SDK1: variants seen among roughly 807,000 people sequenced by gnomAD.
SDK1 encodes sidekick cell adhesion molecule 1.
SDK1 carries 157 observed loss-of-function variants against 245.5 expected under a neutral mutation model. That is an observed-to-expected ratio of 0.64 (90% CI 0.56 to 0.73). SDK1 has a LOEUF of 0.73. Among genes scored for constraint, SDK1 ranks in the 30% least tolerant of loss-of-function variants. The probability of loss-of-function intolerance (pLI) is 0.00; values close to 1 mark genes in which losing one functional copy is unlikely to be tolerated. For missense variants in SDK1, 3,583 were observed against 3,002.3 expected (o/e 1.19, Z -4.52); for synonymous variants, 1,647 against 1,278.5 (o/e 1.29, Z -6.15).
intron 7 of SDK1, among the ~76,000 whole-genome samples, chr7:3,953,701 A>C (rs1301436068): frequency 6.6e-6 from 1 of 152,222 alleles, no homozygotes; most frequent in Non-Finnish European, 1.5e-5. Context: ...AAAATATTTA[A>C]ATCTATCTTA....
At chr7:4,056,995 G>A (rs778930132) in intron 19 of SDK1, among the ~76,000 whole-genome samples, 23 of 152,176 alleles carry the variant, frequency 1.5e-4, no homozygotes, top group Admixed American at 3.3e-4. Flanking sequence ...ACCATTGGCA[G>A]TGACCCCCAG....
At position 3,374,961 on chromosome 7, in the gene SDK1, G is replaced by A. The variant is rs369161099; in HGVS notation, c.298+73077G>A. On this transcript the variant is annotated intron_variant, in intron 1 of 44. Coordinates refer to ENST00000404826, the MANE Select transcript of SDK1 (RefSeq NM_152744.4). The stretch of plus-strand genomic sequence containing the variant: ...GACTGTGTCTCTTTAGTTCACTATC[G>A]TATATCTAACACCTGTAATTGTATG... Among the ~76,000 whole-genome samples, 178 of 152,176 alleles carry A rather than the reference G, an allele frequency of 1.2e-3. 3 individuals are homozygous for A. The South Asian group carries it at 0.035, about 30-fold the overall frequency.
chr7:4,065,699 T>TG (rs1779847104), intron 19 of SDK1, among the ~76,000 whole-genome samples: 1 of 71,284 alleles, frequency 1.4e-5, no homozygotes, highest in Non-Finnish European at 2.4e-5. Context: ...TTGTTGTTTT[T>TG]TTTTTTTTTT....
rs1051924096 is a variant in SDK1 at position 4,266,814 on chromosome 7, C to T, written c.*1430C>T. ...TGTGCCCCGGGTCCCTGTAAGTGCC[C>T]CCTCACCAGCAGCAGCGTGACACAC... On this transcript the variant is annotated 3_prime_UTR_variant, in exon 45 of 45. Coordinates refer to ENST00000404826, the MANE Select transcript of SDK1 (RefSeq NM_152744.4). 23 of 985,366 alleles carry T rather than the reference C, an allele frequency of 2.3e-5. No individual in the cohort carries two copies. The highest frequency in any genetic ancestry group is 2.7e-5 in the Non-Finnish European group (22 of 830,028). 61.0% of individuals were successfully genotyped at this position (985,366 alleles called of 1,614,324 possible).
chr7:3,368,097 G>A (rs1781135680), intron 1 of SDK1, among the ~76,000 whole-genome samples: 1 of 152,158 alleles, frequency 6.6e-6, no homozygotes, highest in African/African-American at 2.4e-5. Flanking sequence ...TCATATTTTT[G>A]TAAGTATATT....
At chr7:3,937,593 A>G (rs1271006811) in intron 5 of SDK1, among the ~76,000 whole-genome samples, 1 of 152,190 alleles carries the variant, frequency 6.6e-6, no homozygotes. Flanking sequence ...GGATCTAAGA[A>G]TCTTAGCCAC....
At chr7:3,414,616 T>G (rs1011111501) in intron 1 of SDK1, among the ~76,000 whole-genome samples, 1 of 152,184 alleles carries the variant, frequency 6.6e-6, no homozygotes, top group East Asian at 1.9e-4. Flanking sequence ...ACTATAAAAT[T>G]TATTTAAAAT....
intron 34 of SDK1, among the ~76,000 whole-genome samples, chr7:4,176,570 T>C (rs192970415): frequency 1.3e-5 from 2 of 152,352 alleles, no homozygotes; most frequent in Admixed American, 6.5e-5. Flanking sequence ...CACACTGTTA[T>C]GCAGCCGTCA....
At chr7:4,186,936 G>T (rs542584229) in intron 35 of SDK1, among the ~76,000 whole-genome samples, 1 of 152,174 alleles carries the variant, frequency 6.6e-6, no homozygotes, top group South Asian at 2.1e-4. Flanking sequence ...ACCTGGGATT[G>T]CCACCCCTGG....
chr7:3,576,690 T>C (rs1184949694), intron 1 of SDK1, among the ~76,000 whole-genome samples: 1 of 152,082 alleles, frequency 6.6e-6, no homozygotes, highest in African/African-American at 2.4e-5. Flanking sequence ...GCATGGTGTG[T>C]ATGTGGCTGC....
chr7:3,635,195 T>C (rs1424027180), intron 2 of SDK1, among the ~76,000 whole-genome samples: 1 of 152,214 alleles, frequency 6.6e-6, no homozygotes, highest in Admixed American at 6.5e-5. Context: ...TGTGATTGTA[T>C]TCAATAATTA....
At chr7:3,402,065 C>A (rs1778902566) in intron 1 of SDK1, among the ~76,000 whole-genome samples, 1 of 152,128 alleles carries the variant, frequency 6.6e-6, no homozygotes, top group African/African-American at 2.4e-5. Flanking sequence ...TCATGGAACT[C>A]AATCTGGTTT....
intron 2 of SDK1, among the ~76,000 whole-genome samples, chr7:3,638,089 T>C (rs1317612636): frequency 1.3e-5 from 2 of 152,230 alleles, no homozygotes; most frequent in Admixed American, 1.3e-4. Flanking sequence ...TATATAACCT[T>C]TCTCATTCAA....
intron 5 of SDK1, among the ~76,000 whole-genome samples, chr7:3,935,946 T>G (rs1431712125): frequency 6.6e-6 from 1 of 152,232 alleles, no homozygotes; most frequent in Non-Finnish European, 1.5e-5. Context: ...TATGCCTGTT[T>G]ATAGCAGCAC....
intron 17 of SDK1, among the ~76,000 whole-genome samples, chr7:4,035,233 C>T (rs951501940): frequency 1.3e-5 from 2 of 152,120 alleles, no homozygotes; most frequent in East Asian, 3.9e-4. Flanking sequence ...AATCCATCCA[C>T]CTTGGCCTCT....
intron 39 of SDK1, 52 bp downstream of exon 39, chr7:4,220,322 C>T (rs1785073355): frequency 6.4e-7 from 1 of 1,556,520 alleles, no homozygotes; most frequent in Non-Finnish European, 8.8e-7. Context: ...TAGCCTCCCG[C>T]CTCCTGCTTC....
chr7:3,639,121 A>C lies in SDK1; in HGVS notation c.565+11A>C. On this transcript the variant is annotated intron_variant, in intron 3 of 44. Transcript: ENST00000404826. ...AAGTTCAAGTCGCATGTATGTGTAC[A>C]GTAAGGAGATGTCCAAATGTTAAAG... 6.7e-7 allele frequency: 1 copy of C among 1,491,556 alleles called. No individual in the cohort carries two copies. The highest frequency in any genetic ancestry group is 9.2e-7 in the Non-Finnish European group (1 of 1,082,934). 92.4% of individuals were successfully genotyped at this position (1,491,556 alleles called of 1,614,324 possible). A position where few individuals can be genotyped will look rare whatever the true frequency, so the allele number is the denominator to read the frequency against.
chr7:3,495,443 G>T (rs1185468137), intron 1 of SDK1, among the ~76,000 whole-genome samples: 1 of 151,658 alleles, frequency 6.6e-6, no homozygotes, highest in Admixed American at 6.6e-5. Flanking sequence ...ATTTTTAGTA[G>T]AGATGAAGTT....
intron 5 of SDK1, among the ~76,000 whole-genome samples, chr7:3,884,486 C>A (rs1444171694): frequency 1.3e-5 from 2 of 152,222 alleles, no homozygotes; most frequent in East Asian, 1.9e-4. Context: ...AACTACTTTA[C>A]TCAGTGAGAG....
Sources: gnomAD v4.1 joint callset for allele counts (sites outside exome capture counted in the v4.1 genomes callset) on GRCh38, gnomAD v4.1.1 for gene constraint, MANE v1.5 for transcripts, NCBI Gene and HGNC (gene_info 2026-07-23, HGNC 2026-07-21) for gene names.